Variants in SLC7A6 observed in about 807,000 individuals in gnomAD.
SLC7A6 encodes solute carrier family 7 member 6, also known as Y+L amino acid transporter 2.
Under a neutral mutation model 46.6 loss-of-function variants are expected in SLC7A6, and 29 were observed. The observed-to-expected ratio is 0.62, with a 90% CI of 0.46 to 0.85. The LOEUF (loss-of-function observed/expected upper bound fraction) is 0.85. Among genes scored for constraint, SLC7A6 ranks in the 40% least tolerant of loss-of-function variants. The probability of loss-of-function intolerance (pLI) is 0.00; values close to 1 mark genes in which losing one functional copy is unlikely to be tolerated. For synonymous variants in SLC7A6, 276 were observed against 257.3 expected, an observed-to-expected ratio of 1.07 and a Z score of -0.70; for missense variants, 527 against 647.6, an observed-to-expected ratio of 0.81 and a Z score of 2.02.
In SLC7A6 at chr16:68,290,939, G is replaced by T. The variant is rs150438321; in HGVS notation, c.795-270G>T. 6.4e-4 allele frequency: 321 copies of T among 503,142 alleles called. 7 individuals carry two copies. In the East Asian group the frequency reaches 0.012, roughly 19 times the overall value. The allele number at this position is 503,142 out of a possible 1,614,324, so 31.2% of individuals were successfully genotyped here. A position where few individuals can be genotyped will look rare whatever the true frequency, so the allele number is the denominator to read the frequency against. On this transcript the variant is annotated intron_variant, in intron 5 of 10. Coordinates refer to ENST00000219343, the MANE Select transcript of SLC7A6 (RefSeq NM_003983.6). ...ACTGTTCCTTGCACTGTTCCTCTGA[G>T]ATCACAGATGCAGGAGGATTATGAA...
At chr16:68,279,012 G>A (rs1009474412) in intron 3 of SLC7A6, among the ~76,000 whole-genome samples, 10 of 152,240 alleles carry the variant, frequency 6.6e-5, no homozygotes, top group South Asian at 4.1e-4. Flanking sequence ...TGGATGGGGC[G>A]GCTGACTGCT....
chr16:68,274,565 G>A (rs1443921920), intron 2 of SLC7A6, 126 bp from the exon 3 acceptor site: 3 of 727,010 alleles, frequency 4.1e-6, no homozygotes, highest in Non-Finnish European at 6.8e-6. Flanking sequence ...ACTGAGACAG[G>A]CCTATTGTAG....
At chr16:68,286,988 TCTC>T (rs1009099048) in intron 3 of SLC7A6, among the ~76,000 whole-genome samples, 2 of 150,862 alleles carry the variant, frequency 1.3e-5, no homozygotes, top group East Asian at 1.9e-4. Flanking sequence ...CTTTTCTTTT[TCTC>T]CTTTTTTTTT....
rs1442479721 is a variant in SLC7A6, at chr16:68,294,695, A to G, written c.1023-10A>G. On this transcript the variant is annotated splice_polypyrimidine_tract_variant and intron_variant, in intron 7 of 10. Coordinates refer to ENST00000219343, the MANE Select transcript of SLC7A6 (RefSeq NM_003983.6). Reference sequence around the variant, plus strand: ...AAAGGATCCTGCTGACACATTTCTCATCCTTCTAGGTTGTTCTTCGTGGGC... The same window carrying G: ...AAAGGATCCTGCTGACACATTTCTCGTCCTTCTAGGTTGTTCTTCGTGGGC... 1.3e-6 allele frequency: 2 copies of G among 1,594,096 alleles called. No individual in the cohort carries two copies. Among genetic ancestry groups the G allele is most frequent in the East Asian group, 2.2e-5 (1 of 44,774 alleles).
rs1044833319 is a variant in SLC7A6, at chr16:68,298,681, C to T, written c.*1353C>T. The T allele has an allele frequency of 6.6e-6, 1 of 152,320 alleles. No homozygotes were observed. Among genetic ancestry groups the T allele is most frequent in the Non-Finnish European group, 1.5e-5 (1 of 68,112 alleles). The allele number at this position is 152,320 out of a possible 1,614,324, so 9.4% of individuals were successfully genotyped here. ...GAAAGCTGCTTCAACCTGAGTCCGG[C>T]TCTTCAGCAGGCTGCACAAGTGGAA... On this transcript the variant is annotated 3_prime_UTR_variant, in exon 11 of 11. Transcript: ENST00000219343.
intron 3 of SLC7A6, among the ~76,000 whole-genome samples, chr16:68,277,373 G>A (rs1596979338): frequency 7.3e-6 from 1 of 137,672 alleles, no homozygotes; most frequent in South Asian, 2.3e-4. Flanking sequence ...TTGCTCTGTC[G>A]CCCAGGCTGG....
chr16:68,286,436 C>T (rs1050905161), intron 3 of SLC7A6, among the ~76,000 whole-genome samples: 3 of 152,010 alleles, frequency 2.0e-5, no homozygotes, highest in Non-Finnish European at 2.9e-5. Context: ...TGTGTGTGTA[C>T]GGTACGAGTA....
intron 3 of SLC7A6, among the ~76,000 whole-genome samples, chr16:68,279,884 G>A (rs1254186596): frequency 1.3e-5 from 2 of 152,154 alleles, no homozygotes; most frequent in Non-Finnish European, 2.9e-5. Context: ...CAGATTCCTC[G>A]GGATCTGAAT....
chr16:68,287,289 C>T (rs2042955719), intron 3 of SLC7A6: 2 of 1,282,608 alleles, frequency 1.6e-6, no homozygotes, highest in Non-Finnish European at 2.0e-6. Flanking sequence ...CATTTTTACA[C>T]TTAATGCAAA....
At chr16:68,292,269 A>G (rs569232883) in intron 7 of SLC7A6, 21 of 152,462 alleles carry the variant, frequency 1.4e-4, no homozygotes, top group African/African-American at 4.1e-4. Flanking sequence ...GCAGACATCT[A>G]TAAGCGTGCT....
At chr16:68,273,487 G>A (rs141507082) in intron 2 of SLC7A6, among the ~76,000 whole-genome samples, 24 of 152,234 alleles carry the variant, frequency 1.6e-4, no homozygotes, top group African/African-American at 4.8e-4. Flanking sequence ...AGAAGATCAC[G>A]CTGGGTGCAG....
chr16:68,280,254 G>C (rs1010917074), intron 3 of SLC7A6, among the ~76,000 whole-genome samples: 1 of 152,186 alleles, frequency 6.6e-6, no homozygotes, highest in South Asian at 2.1e-4. Flanking sequence ...TGAAATTGAG[G>C]CATGAGAGGG....
chr16:68,291,390 C>T (rs982351161), intron 6 of SLC7A6, 58 bp downstream of exon 6: 20 of 1,604,568 alleles, frequency 1.2e-5, no homozygotes, highest in Admixed American at 1.7e-5. Flanking sequence ...CCACCCTGCA[C>T]AGCTCAGTCT....
In SLC7A6 at chr16:68,275,174, T is replaced by G; in HGVS notation, c.448T>G (p.Tyr150Asp). Residue 150 changes from tyrosine (Y) to aspartate (D), a missense_variant, in exon 3 of 11, where the codon TAC becomes GAC. By Grantham distance (160) the Tyr-to-Asp change is radical (BLOSUM62 -3). Transcript: ENST00000219343. ...CATCATCGCCATCACCTTTGCCAAC[T>G]ACATCATCCAGCCGTCCTTCCCCAG... ...QAIIAITFAN[Y>D]IIQPSFPSCD... 6.2e-7 allele frequency: 1 copy of G among 1,613,910 alleles called. No homozygotes were observed. Among genetic ancestry groups the G allele is most frequent in the African/African-American group, 1.3e-5 (1 of 74,928 alleles).
At chr16:68,286,260 A>C (rs1191470298) in intron 3 of SLC7A6, among the ~76,000 whole-genome samples, 1 of 152,130 alleles carries the variant, frequency 6.6e-6, no homozygotes, top group Admixed American at 6.6e-5. Context: ...CTGTGCTAAG[A>C]AGCAGGAATG....
intron 2 of SLC7A6, among the ~76,000 whole-genome samples, chr16:68,267,370 T>C (rs2042553293): frequency 6.6e-6 from 1 of 151,552 alleles, no homozygotes; most frequent in Non-Finnish European, 1.5e-5. Flanking sequence ...CCCACCACCA[T>C]GCCCGGACAA....
chr16:68,282,824 T>C (rs951481494), intron 3 of SLC7A6, among the ~76,000 whole-genome samples: 1 of 152,216 alleles, frequency 6.6e-6, no homozygotes. Context: ...TTCACCATAC[T>C]GGCCAGGCTA....
At chr16:68,293,976 C>T (rs1007921528) in intron 7 of SLC7A6, among the ~76,000 whole-genome samples, 3 of 152,160 alleles carry the variant, frequency 2.0e-5, no homozygotes, top group African/African-American at 4.8e-5. Context: ...CGGCTCACTG[C>T]AACCTCCGCC....
intron 3 of SLC7A6, among the ~76,000 whole-genome samples, chr16:68,280,848 C>T (rs1393100498): frequency 1.3e-5 from 2 of 152,152 alleles, no homozygotes; most frequent in African/African-American, 2.4e-5. Flanking sequence ...CATTCTCCTG[C>T]GTCAGCCTCC....
Sources: gnomAD v4.1 joint callset for allele counts (sites outside exome capture counted in the v4.1 genomes callset) on GRCh38, gnomAD v4.1.1 for gene constraint, MANE v1.5 for transcripts, NCBI Gene and HGNC (gene_info 2026-07-23, HGNC 2026-07-21) for gene names.